Variants in TRRAP observed in about 807,000 individuals in gnomAD.
The protein encoded by TRRAP is transformation/transcription domain-associated protein.
A neutral mutation model predicts 438.8 loss-of-function variants in TRRAP; 41 were observed. The ratio of observed to expected loss-of-function variants is 0.09; its 90% CI spans 0.07 to 0.12. The LOEUF (loss-of-function observed/expected upper bound fraction) is 0.12, where lower values mean the gene tolerates loss of function less well. Among genes scored for constraint, TRRAP ranks in the 10% least tolerant of loss-of-function variants. TRRAP has a pLI of 1.00. For missense variants in TRRAP, 3,122 were observed against 5,055.1 expected, an observed-to-expected ratio of 0.62 and a Z score of 11.60; for synonymous variants, 1,994 against 1,962.9, an observed-to-expected ratio of 1.02 and a Z score of -0.42.
At position 99,011,877 on chromosome 7, in the gene TRRAP, T is replaced by G. The variant is rs536403606; in HGVS notation, c.11338-194T>G. Among the ~76,000 whole-genome samples, 2 of 152,280 alleles carry G rather than the reference T, an allele frequency of 1.3e-5. No homozygotes were observed. Among genetic ancestry groups the G allele is most frequent in the South Asian group, 4.1e-4 (2 of 4,826 alleles). On this transcript the variant is annotated intron_variant, in intron 72 of 72. Coordinates refer to ENST00000456197, the MANE Select transcript of TRRAP (RefSeq NM_001375524.1). The surrounding 1 kb of genome is among the most constrained non-coding windows in gnomAD (Gnocchi z 7.1). ...GAGGCCTTCTGGCTGCTGCTCCAAG[T>G]GGAGGAAGGGGTTTGTCCCCCAGCG...
intron 10 of TRRAP, 79 bp downstream of exon 10, chr7:98,899,846 A>G (rs75227511): frequency 2.0e-6 from 3 of 1,482,762 alleles, no homozygotes; most frequent in Admixed American, 3.5e-5. Flanking sequence ...TTCTTAAGAC[A>G]TGAAAATTAT....
chr7:98,986,051 T>G (rs1037597529), intron 62 of TRRAP, among the ~76,000 whole-genome samples: 4 of 152,266 alleles, frequency 2.6e-5, no homozygotes, highest in African/African-American at 9.6e-5. Flanking sequence ...CTGTGTGGCC[T>G]TTTGTGACTG....
Position 98,961,230 on chromosome 7 carries a change from C to T in TRRAP, c.6490-31C>T, listed in dbSNP as rs747881188. Reference sequence around the variant, plus strand: ...TTTGTTGTCATTGAGTGTTTGTTTCCTCTGTGAGTGGCCTGTGTTGTCCAT... The same window carrying T: ...TTTGTTGTCATTGAGTGTTTGTTTCTTCTGTGAGTGGCCTGTGTTGTCCAT... On this transcript the variant is annotated intron_variant, in intron 45 of 72. Transcript: ENST00000456197. 2.6e-5 allele frequency: 42 copies of T among 1,605,512 alleles called. 1 individual carries two copies. In the South Asian group the frequency reaches 4.1e-4, roughly 16 times the overall value.
chr7:98,915,872 T>G lies in TRRAP; in HGVS notation c.2349T>G (p.Leu783=). The G allele has an allele frequency of 2.5e-6, 4 of 1,614,188 alleles. No individual in the cohort carries two copies. Among genetic ancestry groups the G allele is most frequent in the Non-Finnish European group, 3.4e-6 (4 of 1,180,006 alleles). The part of the protein sequence containing the change: ...DLLYQEFLPL[L]PNLLQGLNML... Reference sequence around the variant, plus strand: ...TGTATCAGGAGTTCTTGCCTCTCCTTCCAAACCTCCTGCAAGGTCAGAGCA... The same window carrying G: ...TGTATCAGGAGTTCTTGCCTCTCCTGCCAAACCTCCTGCAAGGTCAGAGCA... The change falls in exon 19 of 73, where the codon CTT becomes CTG. Residue 783 remains leucine, a synonymous_variant. Transcript: ENST00000456197.
chr7:98,998,799 C>T (rs1216769900), intron 67 of TRRAP: 2 of 259,928 alleles, frequency 7.7e-6, no homozygotes, highest in South Asian at 6.2e-5. Flanking sequence ...TCTGACTCAC[C>T]CTCTTACCTT....
intron 1 of TRRAP, among the ~76,000 whole-genome samples, chr7:98,880,660 T>C (rs1017231698): frequency 5.9e-5 from 9 of 152,218 alleles, no homozygotes; most frequent in Non-Finnish European, 1.0e-4. Flanking sequence ...ATGAGAGTTA[T>C]ATGAAATTCA....
At position 98,976,659 on chromosome 7, in the gene TRRAP, G is replaced by C; in HGVS notation, c.8136G>C (p.Arg2712=). ...GGAAGACACACAACCTCTGGTTCCG[G>C]TCCACGCTGATGTTGGAGCACCAGG... is the stretch of plus-strand genomic sequence containing the variant. ...YLGKTHNLWF[R]STLMLEHQAF... is the part of the protein sequence containing the mutation. The change falls in exon 55 of 73, where the codon CGG becomes CGC. Residue 2712 remains arginine (R), a synonymous_variant. Coordinates refer to ENST00000456197, the MANE Select transcript of TRRAP (RefSeq NM_001375524.1). This position sits in a 1 kb window ranked among gnomAD's most constrained non-coding sequence, Gnocchi z 4.6. 1 of 1,614,164 alleles carries C rather than the reference G, an allele frequency of 6.2e-7. No homozygotes were observed. The highest frequency in any genetic ancestry group is 8.5e-7 in the Non-Finnish European group (1 of 1,180,038).
chr7:98,984,467 CT>C, intron 61 of TRRAP, 109 bp downstream of exon 61: 1 of 1,350,354 alleles, frequency 7.4e-7, no homozygotes, highest in Non-Finnish European at 9.9e-7. Context: ...TGGACTCGAA[CT>C]TTCCACAAAT....
Position 98,958,309 on chromosome 7 carries a change from G to GT in TRRAP, c.6342+229dup, listed in dbSNP as rs111690401. On this transcript the variant is annotated intron_variant, in intron 44 of 72. Coordinates refer to ENST00000456197, the MANE Select transcript of TRRAP (RefSeq NM_001375524.1). ...TCTTATAATTGATCTAATTTTTTTGGTTTTTTTTTTTGAGATGGAGTCTCG... is the reference window on the plus strand; with the variant it reads ...TCTTATAATTGATCTAATTTTTTTGGTTTTTTTTTTTTGAGATGGAGTCTCG... Among the ~76,000 whole-genome samples, 1,743 of 146,720 alleles carry GT rather than the reference G, an allele frequency of 0.012. 20 individuals carry two copies. The highest frequency in any genetic ancestry group is 0.014 in the Non-Finnish European group (901 of 66,134).
intron 10 of TRRAP, among the ~76,000 whole-genome samples, chr7:98,900,236 T>C (rs1256213637): frequency 6.6e-6 from 1 of 152,110 alleles, no homozygotes; most frequent in Non-Finnish European, 1.5e-5. Flanking sequence ...CCCTCCTGAC[T>C]TGGAGCCCGT....
chr7:98,880,299 T>C (rs547218390), intron 1 of TRRAP, among the ~76,000 whole-genome samples: 2 of 149,808 alleles, frequency 1.3e-5, no homozygotes, highest in Non-Finnish European at 3.0e-5. Flanking sequence ...AACCTTGCTC[T>C]ATTGCCCAGG....
intron 40 of TRRAP, among the ~76,000 whole-genome samples, chr7:98,954,772 G>A (rs1361962575): frequency 1.3e-5 from 2 of 152,214 alleles, no homozygotes; most frequent in Non-Finnish European, 2.9e-5. Flanking sequence ...TCCTGCAGTC[G>A]GAGGGAGATG....
intron 18 of TRRAP, among the ~76,000 whole-genome samples, chr7:98,914,465 C>T (rs1248020855): frequency 6.6e-6 from 1 of 151,572 alleles, no homozygotes; most frequent in Non-Finnish European, 1.5e-5. Flanking sequence ...ATTCATTATC[C>T]TCAAATAATT....
At chr7:98,906,841 A>C (rs1465443007) in intron 13 of TRRAP, among the ~76,000 whole-genome samples, 1 of 152,106 alleles carries the variant, frequency 6.6e-6, no homozygotes, top group Non-Finnish European at 1.5e-5. Context: ...ACTTTATCTG[A>C]CTTTATTATT....
chr7:98,910,019 A>G (rs1554408349), intron 14 of TRRAP, 37 bp from the exon 15 acceptor site: 1 of 1,528,028 alleles, frequency 6.5e-7, no homozygotes, highest in Admixed American at 2.1e-5. Context: ...GAAGAAGAAT[A>G]ATTCTGTCTT....
At position 98,910,074 on chromosome 7, in the gene TRRAP, C is replaced by A; in HGVS notation, c.1369C>A (p.His457Asn). 6.5e-7 allele frequency: 1 copy of A among 1,540,900 alleles called. No homozygotes were observed. Among genetic ancestry groups the A allele is most frequent in the Non-Finnish European group, 8.7e-7 (1 of 1,144,946 alleles). The change falls in exon 15 of 73, where the codon CAC becomes AAC. Residue 457 changes from histidine to asparagine, a missense_variant. Physicochemically the swap from His to Asn is moderately conservative, Grantham distance 68. This residue lies in a region of TRRAP where 115 missense variants were observed against 124.6 expected (regional missense o/e 0.92). Coordinates refer to ENST00000456197, the MANE Select transcript of TRRAP (RefSeq NM_001375524.1). ...CCGTTAGGTTTTCGTTCTCAAATTC[C>A]ACACAATTGCTCGGTACCAGCTCTC... is the stretch of plus-strand genomic sequence containing the variant. ...RMLEVFVLKFHTIARYQLSAI... is the reference protein window; with the variant it reads ...RMLEVFVLKFNTIARYQLSAI...
At chr7:98,890,558 T>G in intron 4 of TRRAP, 113 bp downstream of exon 4, 1 of 756,780 alleles carries the variant, frequency 1.3e-6, no homozygotes, top group Non-Finnish European at 2.0e-6. Context: ...TTTTGTCACA[T>G]AAGGATAACT....
chr7:98,915,691 T>C (rs1240639029), intron 18 of TRRAP, 32 bp from the exon 19 acceptor site: 1 of 1,605,312 alleles, frequency 6.2e-7, no homozygotes, highest in African/African-American at 1.3e-5. Context: ...CTCATTTAGA[T>C]GCCACTAATC....
chr7:98,932,092 AT>A (rs1319040719), intron 26 of TRRAP, among the ~76,000 whole-genome samples: 4 of 147,698 alleles, frequency 2.7e-5, no homozygotes, highest in African/African-American at 7.5e-5. Context: ...TTTATTTTTT[AT>A]TTTTTTTTAA....
Sources: allele counts gnomAD v4.1 joint callset (sites outside exome capture counted in the v4.1 genomes callset), GRCh38; gene constraint gnomAD v4.1.1; regional missense constraint gnomAD v4.1.1; non-coding constraint Gnocchi (gnomAD v3.1); transcripts MANE v1.5; gene names NCBI Gene and HGNC (gene_info 2026-07-23, HGNC 2026-07-21).